Variants in GPC6 observed in about 807,000 individuals in gnomAD.
The protein encoded by GPC6 is glypican-6.
Under a neutral mutation model 55.2 loss-of-function variants are expected in GPC6, and 14 were observed. The observed-to-expected ratio is 0.25, with a 90% CI of 0.17 to 0.40. The LOEUF is 0.40. Among genes scored for constraint, GPC6 ranks in the 10% least tolerant of loss-of-function variants. The pLI is 1.00. For missense variants in GPC6, 641 were observed against 708.5 expected (o/e 0.90, Z 1.08); for synonymous variants, 278 against 259.6 (o/e 1.07, Z -0.68).
rs764101821 is a variant in GPC6 at position 93,676,126 on chromosome 13, AATATATATATATATATATATAT to A, written c.319+130727_319+130748del. Among the ~76,000 whole-genome samples the A allele has an allele frequency of 3.6e-3, 57 of 15,686 alleles. 2 individuals are homozygous for A. Among genetic ancestry groups the A allele is most frequent in the Non-Finnish European group, 9.8e-3 (46 of 4,686 alleles). The allele number at this position is 15,686 out of a possible 152,430, so 10.3% of individuals were successfully genotyped here. A position where few individuals can be genotyped will look rare whatever the true frequency, so the allele number is the denominator to read the frequency against. On this transcript the variant is annotated intron_variant, in intron 2 of 8. Coordinates refer to ENST00000377047, the MANE Select transcript of GPC6 (RefSeq NM_005708.5). ...TCTACTAAAAAAAAAAAAAAAAAAA[AATATATATATATATATATATAT>A]ATATATATATATATATATATACATA...
At chr13:94,048,450 A>T (rs1003105871) in intron 4 of GPC6, among the ~76,000 whole-genome samples, 10 of 151,962 alleles carry the variant, frequency 6.6e-5, no homozygotes, top group Admixed American at 3.9e-4. Context: ...AAAAAAAATT[A>T]AAAAAAGAGA....
intron 3 of GPC6, among the ~76,000 whole-genome samples, chr13:93,855,103 A>T (rs1385721857): frequency 6.6e-6 from 1 of 151,842 alleles, no homozygotes; most frequent in South Asian, 2.1e-4. Flanking sequence ...TTGGACAAAC[A>T]TCTAATAACA....
rs1879691635 is a variant in GPC6 at position 94,373,564 on chromosome 13, T to G, written c.1153-8850T>G. On this transcript the variant is annotated intron_variant, in intron 6 of 8. Transcript: ENST00000377047. ...AGCCTCCAAGAAATATGGGACTATG[T>G]GAAAAGACCAAATCTACGTCTGATT... Among the ~76,000 whole-genome samples, 3 of 152,188 alleles carry G rather than the reference T, an allele frequency of 2.0e-5. No individual in the cohort carries two copies. The South Asian group carries it at 6.2e-4, about 32-fold the overall frequency.
chr13:93,667,743 T>TTTTTTTTTTTTTTCCTGTCAAATTTGTA (rs1447289109), intron 2 of GPC6, among the ~76,000 whole-genome samples: 1 of 147,994 alleles, frequency 6.8e-6, no homozygotes, highest in African/African-American at 2.6e-5. Flanking sequence ...TTGTTTTTTT[T>TTTTTTTTTTTTTTCCTGTCAAATTTGTA]TTTTTCTGTC....
rs139264620 is a variant in GPC6 at position 94,393,571 on chromosome 13, C to G, written c.1290-4895C>G. 8.7e-3 allele frequency among the ~76,000 whole-genome samples: 1,330 copies of G among 152,262 alleles called. 19 individuals carry two copies. Among genetic ancestry groups the G allele is most frequent in the African/African-American group, 0.03 (1,252 of 41,550 alleles). The stretch of plus-strand genomic sequence containing the variant: ...GTACTGAAATTGCTTTCGCTTTACC[C>G]TTCTCATTGTGCCTTGAGGCAGTAG... On this transcript the variant is annotated intron_variant, in intron 7 of 8. Transcript: ENST00000377047.
chr13:93,822,037 A>G (rs1199913800), intron 2 of GPC6, among the ~76,000 whole-genome samples: 1 of 114,940 alleles, frequency 8.7e-6, no homozygotes, highest in East Asian at 2.6e-4. Flanking sequence ...TAATATGTAT[A>G]CACATGATAT....
chr13:94,039,530 T>C (rs1176759213), intron 4 of GPC6, among the ~76,000 whole-genome samples: 1 of 151,924 alleles, frequency 6.6e-6, no homozygotes, highest in African/African-American at 2.4e-5. Flanking sequence ...GACAGTGCTG[T>C]TAGCAAACAG....
chr13:93,883,888 AAAAC>A (rs1347614668), intron 3 of GPC6, among the ~76,000 whole-genome samples: 75 of 152,274 alleles, frequency 4.9e-4, no homozygotes, highest in African/African-American at 1.7e-3. Flanking sequence ...AGCACAGTGT[AAAAC>A]AAAAACAATC....
At chr13:93,688,264 G>A (rs1882122331) in intron 2 of GPC6, among the ~76,000 whole-genome samples, 1 of 152,186 alleles carries the variant, frequency 6.6e-6, no homozygotes. Context: ...AGAAGTAAGA[G>A]AGACCAGAAA....
intron 4 of GPC6, among the ~76,000 whole-genome samples, chr13:94,058,447 T>C (rs1884207777): frequency 6.6e-6 from 1 of 152,194 alleles, no homozygotes; most frequent in Non-Finnish European, 1.5e-5. Context: ...CTAAGCTAAT[T>C]TGGCTGTTAA....
chr13:94,149,088 A>C lies in GPC6; in HGVS notation c.877+121194A>C, dbSNP rs76345674. ...ATTTGCAAAACACATTCCCTTTTTCATGGTCTCTTTTCTACATGCCTGATT... is the reference window on the plus strand; with the variant it reads ...ATTTGCAAAACACATTCCCTTTTTCCTGGTCTCTTTTCTACATGCCTGATT... On this transcript the variant is annotated intron_variant, in intron 4 of 8. Transcript: ENST00000377047. Among the ~76,000 whole-genome samples the C allele has an allele frequency of 8.3e-3, 1,271 of 152,218 alleles. 11 individuals are homozygous for C. Among genetic ancestry groups the C allele is most frequent in the Non-Finnish European group, 0.011 (771 of 68,002 alleles).
intron 1 of GPC6, among the ~76,000 whole-genome samples, chr13:93,468,862 A>G (rs1404844957): frequency 6.6e-6 from 1 of 152,234 alleles, no homozygotes; most frequent in African/African-American, 2.4e-5. Flanking sequence ...AACCACTGTA[A>G]CATTTAACTA....
chr13:93,661,097 G>A (rs1398196030), intron 2 of GPC6, among the ~76,000 whole-genome samples: 1 of 152,176 alleles, frequency 6.6e-6, no homozygotes, highest in Non-Finnish European at 1.5e-5. Flanking sequence ...CATGCAAGGA[G>A]ACAAGAATGT....
chr13:94,359,600 T>C (rs1040409604), intron 6 of GPC6, among the ~76,000 whole-genome samples: 13 of 152,008 alleles, frequency 8.6e-5, no homozygotes, highest in African/African-American at 2.2e-4. Flanking sequence ...CAACCTAATA[T>C]TGAGGCTAAC....
At chr13:93,532,888 A>C (rs1881923547) in intron 1 of GPC6, among the ~76,000 whole-genome samples, 1 of 152,196 alleles carries the variant, frequency 6.6e-6, no homozygotes, top group Admixed American at 6.5e-5. Context: ...GCAGAGTGAA[A>C]ATTTTAGAAC....
At chr13:93,626,876 A>G (rs1879225239) in intron 2 of GPC6, among the ~76,000 whole-genome samples, 1 of 152,032 alleles carries the variant, frequency 6.6e-6, no homozygotes, top group South Asian at 2.1e-4. Flanking sequence ...CATTTTCACA[A>G]GCTGCACAGG....
chr13:93,381,096 T>G (rs183807902), intron 1 of GPC6, among the ~76,000 whole-genome samples: 17 of 152,296 alleles, frequency 1.1e-4, no homozygotes, highest in African/African-American at 4.1e-4. Flanking sequence ...AGTAAGAAAC[T>G]GACTGGATTT....
At position 94,053,083 on chromosome 13, in the gene GPC6, T is replaced by C. The variant is rs147561230; in HGVS notation, c.877+25189T>C. On this transcript the variant is annotated intron_variant, in intron 4 of 8. Coordinates refer to ENST00000377047, the MANE Select transcript of GPC6 (RefSeq NM_005708.5). Reference sequence around the variant, plus strand: ...GGAGCTAAAATCAGTGACTTCATTTTTGAAGAGAATGACTGTCATGGGTAA... The same window carrying C: ...GGAGCTAAAATCAGTGACTTCATTTCTGAAGAGAATGACTGTCATGGGTAA... 1.5e-3 allele frequency among the ~76,000 whole-genome samples: 236 copies of C among 152,354 alleles called. 2 individuals are homozygous for C. The Middle Eastern group carries it at 0.017, about 11-fold the overall frequency.
chr13:93,260,937 A>C (rs141529213), intron 1 of GPC6, among the ~76,000 whole-genome samples: 3 of 152,250 alleles, frequency 2.0e-5, no homozygotes, highest in Non-Finnish European at 4.4e-5. Flanking sequence ...ACTGAATTAT[A>C]AAATGTTATG....
Sources: gnomAD v4.1 joint callset for allele counts (sites outside exome capture counted in the v4.1 genomes callset) on GRCh38, gnomAD v4.1.1 for gene constraint, MANE v1.5 for transcripts, NCBI Gene and HGNC (gene_info 2026-07-23, HGNC 2026-07-21) for gene names.